The following RAP1GAP2 variants were observed in gnomAD, a reference collection of about 807,000 sequenced individuals.
The protein encoded by RAP1GAP2 is RAP1 GTPase activating protein 2, also known as rap1 GTPase-activating protein 2.
Under a neutral mutation model 95.0 loss-of-function variants are expected in RAP1GAP2, and 27 were observed. The observed-to-expected ratio is 0.28, with a 90% CI of 0.21 to 0.39. The LOEUF is 0.39. Ranked by LOEUF, RAP1GAP2 falls within the 10% of genes least tolerant of loss-of-function variation. RAP1GAP2 has a pLI of 1.00. For missense variants in RAP1GAP2, 771 were observed against 970.0 expected (o/e 0.79, Z 2.72); for synonymous variants, 373 against 380.9 (o/e 0.98, Z 0.24).
At chr17:2,793,896 T>A (rs1285340585), upstream of RAP1GAP2, among the ~76,000 whole-genome samples, 1 of 151,248 alleles carries the variant, frequency 6.6e-6, no homozygotes, top group Non-Finnish European at 1.5e-5. Context: ...AGGTCAGGAG[T>A]TCGAGACTAG....
rs532761865 is a variant in RAP1GAP2 at position 3,029,831 on chromosome 17, G to A, written c.2108-1091G>A. 5.3e-5 allele frequency among the ~76,000 whole-genome samples: 8 copies of A among 151,946 alleles called. No homozygotes were observed. In the East Asian group the frequency reaches 1.2e-3, roughly 22 times the overall value. On this transcript the variant is annotated intron_variant, in intron 22 of 24. Transcript: ENST00000254695. This position sits in a 1 kb window ranked among gnomAD's most constrained non-coding sequence, Gnocchi z 4.4. ...CACACTTAACGGAATTTTATTATAC[G>A]ATGGATGTCAAACCCAGTGTACAAA...
In RAP1GAP2 at chr17:2,965,920, A is replaced by G; in HGVS notation, c.596+277A>G. On this transcript the variant is annotated intron_variant, in intron 8 of 24. Coordinates refer to ENST00000254695, the MANE Select transcript of RAP1GAP2 (RefSeq NM_015085.5). The surrounding 1 kb of genome is among the most constrained non-coding windows in gnomAD (Gnocchi z 4.7). ...TCCTGCCCCTCTTTCTTACAAGTCC[A>G]TGGCTCTGAGGAAGACGGGAAGAAA... 2.2e-6 allele frequency: 1 copy of G among 458,678 alleles called. No homozygotes were observed. Among genetic ancestry groups the G allele is most frequent in the South Asian group, 2.8e-5 (1 of 35,408 alleles). 28.4% of individuals were successfully genotyped at this position (458,678 alleles called of 1,614,324 possible). A position where few individuals can be genotyped will look rare whatever the true frequency, so the allele number is the denominator to read the frequency against.
At chr17:2,993,985 G>A (rs1251907604) in intron 12 of RAP1GAP2, among the ~76,000 whole-genome samples, 1 of 152,236 alleles carries the variant, frequency 6.6e-6, no homozygotes, top group African/African-American at 2.4e-5. Flanking sequence ...GGTTGAGGCT[G>A]CAGTCAGCCA....
In RAP1GAP2 at chr17:2,943,768, T is replaced by C. The variant is rs1023649209; in HGVS notation, c.166-13991T>C. Among the ~76,000 whole-genome samples, 3 of 151,984 alleles carry C rather than the reference T, an allele frequency of 2.0e-5. No homozygotes were observed. In the South Asian group the frequency reaches 6.2e-4, roughly 32 times the overall value. On this transcript the variant is annotated intron_variant, in intron 3 of 24. Transcript: ENST00000254695. Reference sequence around the variant, plus strand: ...AGAAGACATACAAGTGGTCAACAGGTATATGAGAGGGTCGTTAATCATCAG... The same window carrying C: ...AGAAGACATACAAGTGGTCAACAGGCATATGAGAGGGTCGTTAATCATCAG...
chr17:2,801,227 C>G (rs1235690283), intron 2 of RAP1GAP2, among the ~76,000 whole-genome samples: 1 of 151,348 alleles, frequency 6.6e-6, no homozygotes, highest in Non-Finnish European at 1.5e-5. Context: ...GTAATCCCAG[C>G]ACTTTGGGAG....
upstream of RAP1GAP2, among the ~76,000 whole-genome samples, chr17:2,796,107 A>G (rs555456681): frequency 1.3e-5 from 2 of 152,144 alleles, no homozygotes; most frequent in Admixed American, 6.5e-5. This position sits in a 1 kb window ranked among gnomAD's most constrained non-coding sequence, Gnocchi z 4.7. Context: ...CCCAGTGCTC[A>G]GGCGTCCCTG....
At chr17:2,863,319 C>T (rs1182446477) in intron 2 of RAP1GAP2, among the ~76,000 whole-genome samples, 2 of 152,148 alleles carry the variant, frequency 1.3e-5, no homozygotes, top group Non-Finnish European at 2.9e-5. Flanking sequence ...AAAATTGTCA[C>T]TTGCTTTTAA....
Position 3,005,370 on chromosome 17 carries a change from T to C in RAP1GAP2, c.1202T>C (p.Val401Ala), listed in dbSNP as rs1021454285. The C allele has an allele frequency of 1.2e-6, 2 of 1,613,722 alleles. No individual in the cohort carries two copies. Among genetic ancestry groups the C allele is most frequent in the Non-Finnish European group, 1.7e-6 (2 of 1,179,666 alleles). The change falls in exon 15 of 25, where the codon GTC becomes GCC. Residue 401 changes from valine to alanine, a missense_variant and splice_region_variant. Val to Ala is a moderately conservative substitution (Grantham distance 64). Coordinates refer to ENST00000254695, the MANE Select transcript of RAP1GAP2 (RefSeq NM_015085.5). This position sits in a 1 kb window ranked among gnomAD's most constrained non-coding sequence, Gnocchi z 5.2. Reference sequence around the variant, plus strand: ...GTACCATGACTCTGTTTCACTCAGGTCTCTGTCACTGCGCGGGAAGATGTG... The same window carrying C: ...GTACCATGACTCTGTTTCACTCAGGCCTCTGTCACTGCGCGGGAAGATGTG... ...TPGTETPSYKVSVTAREDVPT... is the reference protein window; with the variant it reads ...TPGTETPSYKASVTAREDVPT...
chr17:2,994,994 A>G (rs982095353), intron 12 of RAP1GAP2, among the ~76,000 whole-genome samples: 1 of 152,156 alleles, frequency 6.6e-6, no homozygotes, highest in African/African-American at 2.4e-5. Context: ...TTGTATTTTT[A>G]GTAGAGACGG....
In RAP1GAP2 at chr17:2,770,328, G is replaced by T. The variant is rs2068365959; in HGVS notation, c.51-1G>T. The T allele has an allele frequency of 7.5e-6, 3 of 398,638 alleles. No individual in the cohort carries two copies. The East Asian group carries it at 1.1e-4, about 14-fold the overall frequency. The allele number at this position is 398,638 out of a possible 1,614,324, so 24.7% of individuals were successfully genotyped here. A position where few individuals can be genotyped will look rare whatever the true frequency, so the allele number is the denominator to read the frequency against. On this transcript the variant is annotated splice_acceptor_variant, in intron 1 of 25. Coordinates refer to the RAP1GAP2 transcript ENST00000637138. LOFTEE classifies it high-confidence loss of function. ...CTCACTCTCTCCTGTCCTGCCCACA[G>T]GTACGTGCAGGAAGGGCGGTTCCGA...
chr17:2,830,524 G>A (rs543713534), intron 2 of RAP1GAP2, among the ~76,000 whole-genome samples: 1 of 152,142 alleles, frequency 6.6e-6, no homozygotes, highest in Admixed American at 6.6e-5. Context: ...GACCATCCTG[G>A]CTAACATGGT....
At chr17:2,908,894 C>G (rs1190192868) in intron 3 of RAP1GAP2, among the ~76,000 whole-genome samples, 1 of 151,966 alleles carries the variant, frequency 6.6e-6, no homozygotes, top group Admixed American at 6.6e-5. Context: ...TCTGTAGAGA[C>G]AAGGTCTTGC....
intron 1 of RAP1GAP2, among the ~76,000 whole-genome samples, chr17:2,778,828 G>C (rs978761339): frequency 1.3e-5 from 2 of 152,210 alleles, no homozygotes; most frequent in African/African-American, 2.4e-5. Context: ...AGAGGGAGGG[G>C]AAGCAACAAT....
intron 2 of RAP1GAP2, among the ~76,000 whole-genome samples, chr17:2,859,587 C>T (rs2072289013): frequency 6.6e-6 from 1 of 151,852 alleles, no homozygotes. Context: ...AGGTGTCCGT[C>T]ACAACACCCA....
In RAP1GAP2 at chr17:2,922,101, T is replaced by C. The variant is rs142854547; in HGVS notation, c.165+16733T>C. 5.6e-4 allele frequency among the ~76,000 whole-genome samples: 85 copies of C among 152,336 alleles called. 1 individual carries two copies. The Middle Eastern group carries it at 0.01, about 18-fold the overall frequency. On this transcript the variant is annotated intron_variant, in intron 3 of 24. Transcript: ENST00000254695. ...AACAATAGCCATTTATTTCTCACCATTCTGGAGGCTGGGAAATCCCAGATC... is the reference window on the plus strand; with the variant it reads ...AACAATAGCCATTTATTTCTCACCACTCTGGAGGCTGGGAAATCCCAGATC...
At chr17:3,013,749 G>A (rs994381252) in intron 17 of RAP1GAP2, among the ~76,000 whole-genome samples, 3 of 148,354 alleles carry the variant, frequency 2.0e-5, no homozygotes, top group Admixed American at 6.9e-5. Context: ...AATATACAGG[G>A]ACCCTTTTAT....
intron 2 of RAP1GAP2, among the ~76,000 whole-genome samples, chr17:2,801,843 C>T (rs970210297): frequency 3.3e-5 from 5 of 152,148 alleles, no homozygotes; most frequent in Admixed American, 6.6e-5. Context: ...ACCTCTCTTC[C>T]CTCACCACCT....
chr17:2,910,277 T>G (rs972898011), intron 3 of RAP1GAP2, among the ~76,000 whole-genome samples: 1 of 152,190 alleles, frequency 6.6e-6, no homozygotes, highest in Non-Finnish European at 1.5e-5. Flanking sequence ...GAGGTTGTTC[T>G]GCTCCTGACC....
chr17:2,766,217 C>G (rs1034715503), intron 1 of RAP1GAP2, among the ~76,000 whole-genome samples: 5 of 152,164 alleles, frequency 3.3e-5, no homozygotes, highest in African/African-American at 1.2e-4. Context: ...ACCACGGCGC[C>G]TTTCTCCCAG....
Sources: allele counts gnomAD v4.1 joint callset (sites outside exome capture counted in the v4.1 genomes callset), GRCh38; gene constraint gnomAD v4.1.1; non-coding constraint Gnocchi (gnomAD v3.1); transcripts MANE v1.5; gene names NCBI Gene and HGNC (gene_info 2026-07-23, HGNC 2026-07-21).